The following BRD4 variants were observed in gnomAD, a reference collection of about 807,000 sequenced individuals.
The protein encoded by BRD4 is bromodomain containing 4.
A neutral mutation model predicts 142.1 loss-of-function variants in BRD4; 16 were observed. That is an observed-to-expected ratio of 0.11 (90% CI 0.08 to 0.17). The LOEUF (loss-of-function observed/expected upper bound fraction) is 0.17, where lower values mean the gene tolerates loss of function less well. BRD4 is among the 10% of genes least tolerant of loss of function. The probability of loss-of-function intolerance (pLI) is 1.00; values close to 1 mark genes in which losing one functional copy is unlikely to be tolerated. For synonymous variants in BRD4, 833 were observed against 707.5 expected, an observed-to-expected ratio of 1.18 and a Z score of -2.82; for missense variants, 1,424 against 1,810.9, an observed-to-expected ratio of 0.79 and a Z score of 3.88.
intron 1 of BRD4, among the ~76,000 whole-genome samples, chr19:15,294,944 G>A (rs1278937216): frequency 6.6e-6 from 1 of 152,174 alleles, no homozygotes; most frequent in Non-Finnish European, 1.5e-5. Flanking sequence ...ACTCCAAAAT[G>A]AAGATAAAAA....
Position 15,264,700 on chromosome 19 carries a change from G to A in BRD4, c.916C>T (p.Pro306Ser), listed in dbSNP as rs1458058523. Reference sequence around the variant, plus strand: ...TTGGGCTCCGGGGGCAGCGAGGGTGGCTCGTGAATGGGGTCAATGGTGGTG... The same window carrying A: ...TTGGGCTCCGGGGGCAGCGAGGGTGACTCGTGAATGGGGTCAATGGTGGTG... ...TPTTIDPIHE[P>S]PSLPPEPKTT... Residue 306 changes from proline to serine, a missense_variant, in exon 6 of 20, where the codon CCA (proline) becomes TCA (serine). Physicochemically the swap from Pro to Ser is moderately conservative, Grantham distance 74. This residue lies in a region of BRD4 where 86 missense variants were observed against 79.9 expected (regional missense o/e 1.08). Coordinates refer to ENST00000679869, the MANE Select transcript of BRD4 (RefSeq NM_001379291.1). 2 of 1,613,094 alleles carry A rather than the reference G, an allele frequency of 1.2e-6. No homozygotes were observed. The highest frequency in any genetic ancestry group is 1.7e-6 in the Non-Finnish European group (2 of 1,180,038).
intron 11 of BRD4, chr19:15,249,109 G>A (rs550988636): frequency 4.5e-6 from 5 of 1,103,418 alleles, no homozygotes; most frequent in South Asian, 1.5e-5. Context: ...GACTAGGCGT[G>A]TGCTGCTGGA....
At chr19:15,247,193 C>T (rs980670068) in intron 11 of BRD4, 8 of 228,758 alleles carry the variant, frequency 3.5e-5, no homozygotes, top group Admixed American at 1.1e-4. Context: ...CCCCCCAGCC[C>T]CACTCCAGTG....
At chr19:15,245,696 G>A (rs1029109311) in intron 11 of BRD4, among the ~76,000 whole-genome samples, 1 of 152,188 alleles carries the variant, frequency 6.6e-6, no homozygotes, top group South Asian at 2.1e-4. Flanking sequence ...CCCACAGGGG[G>A]ACATGAGCCC....
In BRD4 at chr19:15,274,362, G is replaced by A. The variant is rs1317676660; in HGVS notation, c.-34-1229C>T. On this transcript the variant is annotated intron_variant, in intron 1 of 19. Transcript: ENST00000679869. ...AGTCCAAAGTGACCAATGGGGACAA[G>A]TGTGATGGGGTCAAGGGGAGGGGAG... Among the ~76,000 whole-genome samples, 4 of 152,354 alleles carry A rather than the reference G, an allele frequency of 2.6e-5. No individual in the cohort carries two copies. In the East Asian group the frequency reaches 7.7e-4, roughly 29 times the overall value.
chr19:15,313,726 A>G (rs928590058), intron 1 of BRD4, among the ~76,000 whole-genome samples: 1 of 152,152 alleles, frequency 6.6e-6, no homozygotes, highest in Non-Finnish European at 1.5e-5. Context: ...ATGTATTAAT[A>G]TTTATATTTC....
intron 11 of BRD4, 22 bp downstream of exon 11, chr19:15,254,130 C>G: frequency 6.3e-7 from 1 of 1,596,856 alleles, no homozygotes. Context: ...TGGTAAGACA[C>G]GTAGAACACA....
chr19:15,250,799 C>T (rs1296836615), intron 11 of BRD4, among the ~76,000 whole-genome samples: 1 of 152,156 alleles, frequency 6.6e-6, no homozygotes, highest in Non-Finnish European at 1.5e-5. Context: ...TAGGACATGC[C>T]CTGCCCCATG....
chr19:15,264,392 C>T lies in BRD4; in HGVS notation c.1212+12G>A. The T allele has an allele frequency of 6.3e-7, 1 of 1,582,764 alleles. No individual in the cohort carries two copies. The highest frequency in any genetic ancestry group is 8.6e-7 in the Non-Finnish European group (1 of 1,159,830). On this transcript the variant is annotated intron_variant, in intron 6 of 19. Coordinates refer to ENST00000679869, the MANE Select transcript of BRD4 (RefSeq NM_001379291.1). ...CCCACCTTGTCCCTTCCCTCAGGCA[C>T]ATCCCGCTAACCTTGATTGTGCTCA...
chr19:15,312,790 C>A (rs1235338668), intron 1 of BRD4, among the ~76,000 whole-genome samples: 2 of 152,084 alleles, frequency 1.3e-5, no homozygotes, highest in Non-Finnish European at 2.9e-5. Context: ...ACAAAATTAG[C>A]CGGGCGTGGG....
chr19:15,328,013 A>G (rs532220183), intron 1 of BRD4, among the ~76,000 whole-genome samples: 18 of 151,850 alleles, frequency 1.2e-4, no homozygotes, highest in African/African-American at 4.4e-4. Flanking sequence ...ATCATGTATA[A>G]CAACGTTTAT....
chr19:15,241,561 G>A (rs4808272), intron 14 of BRD4, among the ~76,000 whole-genome samples: 85,441 of 152,084 alleles, frequency 0.56, 24,113 homozygotes, highest in Middle Eastern at 0.65. Context: ...TCACGGCCAG[G>A]GACCTGAAGT....
Position 15,238,992 on chromosome 19 carries a change from G to C in BRD4, c.3783-12C>G, listed in dbSNP as rs760702028. 1 of 1,579,358 alleles carries C rather than the reference G, an allele frequency of 6.3e-7. No homozygotes were observed. The highest frequency in any genetic ancestry group is 8.6e-7 in the Non-Finnish European group (1 of 1,164,472). ...CGTCCTCTCGGCTCCTGGGCAGAGG[G>C]TCCCAGTCAGCCTGGGGACTGGTGT... On this transcript the variant is annotated splice_polypyrimidine_tract_variant and intron_variant, in intron 18 of 19. Coordinates refer to ENST00000679869, the MANE Select transcript of BRD4 (RefSeq NM_001379291.1). This position sits in a 1 kb window ranked among gnomAD's most constrained non-coding sequence, Gnocchi z 7.2.
intron 1 of BRD4, among the ~76,000 whole-genome samples, chr19:15,288,247 T>C (rs1409263690): frequency 1.3e-5 from 2 of 152,100 alleles, no homozygotes; most frequent in Non-Finnish European, 2.9e-5. Flanking sequence ...CCTTAAGAAA[T>C]GTTTGCTGAA....
chr19:15,249,187 T>G (rs2047318625), intron 11 of BRD4: 1 of 1,602,788 alleles, frequency 6.2e-7, no homozygotes, highest in Non-Finnish European at 8.5e-7. Flanking sequence ...TGGAGTCCTG[T>G]CCCTTTCACG....
chr19:15,247,353 G>A, intron 11 of BRD4: 1 of 231,998 alleles, frequency 4.3e-6, no homozygotes, highest in Non-Finnish European at 8.5e-6. Flanking sequence ...CCAACAAGAA[G>A]TGAGTGGGCA....
chr19:15,318,699 T>G (rs1213774715), intron 1 of BRD4, among the ~76,000 whole-genome samples: 1 of 152,194 alleles, frequency 6.6e-6, no homozygotes. Context: ...CTAGGAACCA[T>G]TCAGTTACCT....
intron 1 of BRD4, among the ~76,000 whole-genome samples, 179 bp downstream of exon 1, chr19:15,332,111 C>T (rs1290685805): frequency 6.8e-6 from 1 of 146,504 alleles, no homozygotes; most frequent in Non-Finnish European, 1.5e-5. Flanking sequence ...GAACGAACGG[C>T]GCGGGAGGCC....
chr19:15,305,452 A>G (rs564156859), intron 1 of BRD4, among the ~76,000 whole-genome samples: 55 of 152,364 alleles, frequency 3.6e-4, no homozygotes, highest in Non-Finnish European at 7.9e-4. Flanking sequence ...CATGTCCATC[A>G]GAGGTCTTGG....
Sources: allele counts gnomAD v4.1 joint callset (sites outside exome capture counted in the v4.1 genomes callset), GRCh38; gene constraint gnomAD v4.1.1; regional missense constraint gnomAD v4.1.1; non-coding constraint Gnocchi (gnomAD v3.1); transcripts MANE v1.5; gene names NCBI Gene and HGNC (gene_info 2026-07-23, HGNC 2026-07-21).